SDK1: variants seen among roughly 807,000 people sequenced by gnomAD.
SDK1 encodes the protein protein sidekick-1.
A neutral mutation model predicts 245.5 loss-of-function variants in SDK1; 157 were observed. The observed-to-expected ratio is 0.64, with a 90% CI of 0.56 to 0.73. The LOEUF (loss-of-function observed/expected upper bound fraction) is 0.73. Ranked by LOEUF, SDK1 falls within the 30% of genes least tolerant of loss-of-function variation. The pLI is 0.00. For synonymous variants in SDK1, 1,647 were observed against 1,278.5 expected (o/e 1.29, Z -6.15); for missense variants, 3,583 against 3,002.3 (o/e 1.19, Z -4.52).
chr7:3,631,227 C>G (rs1782278889), intron 2 of SDK1, among the ~76,000 whole-genome samples: 1 of 152,204 alleles, frequency 6.6e-6, no homozygotes, highest in Non-Finnish European at 1.5e-5. Context: ...AGCCACCACA[C>G]TCAGCTTCTA....
At chr7:3,828,890 C>G (rs987303347) in intron 5 of SDK1, among the ~76,000 whole-genome samples, 1 of 151,918 alleles carries the variant, frequency 6.6e-6, no homozygotes, top group Non-Finnish European at 1.5e-5. Context: ...CTTCTGGCCT[C>G]AAATAATCCT....
chr7:4,012,434 C>G (rs1215313924), intron 16 of SDK1, among the ~76,000 whole-genome samples, 199 bp downstream of exon 16: 1 of 150,950 alleles, frequency 6.6e-6, no homozygotes, highest in African/African-American at 2.4e-5. Context: ...CAGAGACATT[C>G]TGTGCATATC....
chr7:3,554,570 G>GA (rs1410494258), intron 1 of SDK1, among the ~76,000 whole-genome samples: 2 of 152,114 alleles, frequency 1.3e-5, no homozygotes, highest in East Asian at 1.9e-4. Context: ...ATTACCCACA[G>GA]AAAAAATCAT....
chr7:3,511,875 C>T (rs1173489685), intron 1 of SDK1, among the ~76,000 whole-genome samples: 11 of 148,336 alleles, frequency 7.4e-5, no homozygotes, highest in African/African-American at 2.0e-4. Context: ...TCTCGTATGT[C>T]TCCTGCCCCT....
chr7:3,937,804 G>A (rs989723702), intron 5 of SDK1, among the ~76,000 whole-genome samples: 2 of 152,184 alleles, frequency 1.3e-5, no homozygotes, highest in Non-Finnish European at 2.9e-5. Context: ...CTCCACGCCC[G>A]GGCTTGCATG....
In SDK1 at chr7:4,042,296, T is replaced by A. The variant is rs1366559633; in HGVS notation, c.2603-7052T>A. On this transcript the variant is annotated intron_variant, in intron 17 of 44. Transcript: ENST00000404826. Reference sequence around the variant, plus strand: ...CTCTTCAGGTAGGAGAAACTGCTACTCTCTGATCCAGGTTTCACATATTTC... The same window carrying A: ...CTCTTCAGGTAGGAGAAACTGCTACACTCTGATCCAGGTTTCACATATTTC... Among the ~76,000 whole-genome samples, 2 of 136,148 alleles carry A rather than the reference T, an allele frequency of 1.5e-5. 1 individual carries two copies. The highest frequency in any genetic ancestry group is 6.8e-5 in the African/African-American group (2 of 29,580). 89.3% of individuals were successfully genotyped at this position (136,148 alleles called of 152,430 possible).
At chr7:3,382,106 T>A (rs1781503798) in intron 1 of SDK1, among the ~76,000 whole-genome samples, 1 of 152,096 alleles carries the variant, frequency 6.6e-6, no homozygotes, top group Admixed American at 6.5e-5. Context: ...GTCCTCATTT[T>A]ATTTTTATTT....
intron 1 of SDK1, among the ~76,000 whole-genome samples, chr7:3,392,967 TTTTTTTTTTTTTTC>T (rs1296438475): frequency 7.5e-6 from 1 of 133,672 alleles, no homozygotes; most frequent in African/African-American, 3.0e-5. Context: ...TTAAATTTTT[TTTTTTTTTTTTTTC>T]TTTTTTGAGA....
intron 13 of SDK1, among the ~76,000 whole-genome samples, chr7:3,986,205 T>C: frequency 6.6e-6 from 1 of 152,342 alleles, no homozygotes; most frequent in Non-Finnish European, 1.5e-5. Context: ...AAACTTTTTT[T>C]TTTTTTAACT....
intron 1 of SDK1, among the ~76,000 whole-genome samples, chr7:3,612,911 C>T (rs565811821): frequency 2.0e-5 from 3 of 152,108 alleles, no homozygotes; most frequent in African/African-American, 4.8e-5. Context: ...AGACTACCCC[C>T]CACCCCCCTT....
intron 43 of SDK1, among the ~76,000 whole-genome samples, chr7:4,245,261 C>G (rs1472055382): frequency 6.6e-6 from 1 of 152,186 alleles, no homozygotes; most frequent in Non-Finnish European, 1.5e-5. Context: ...ACAATTCCCA[C>G]TCCTTAGCAT....
At chr7:3,841,970 G>T (rs1198084463) in intron 5 of SDK1, among the ~76,000 whole-genome samples, 1 of 152,216 alleles carries the variant, frequency 6.6e-6, no homozygotes, top group African/African-American at 2.4e-5. Flanking sequence ...CTACTCTGAT[G>T]TCACCCACCT....
intron 5 of SDK1, among the ~76,000 whole-genome samples, chr7:3,899,269 A>G (rs956768956): frequency 5.3e-5 from 8 of 152,084 alleles, no homozygotes; most frequent in African/African-American, 1.7e-4. Flanking sequence ...GCGCTTTAAC[A>G]CTTCCACTTT....
intron 13 of SDK1, among the ~76,000 whole-genome samples, chr7:3,975,135 C>T (rs1056504656): frequency 6.6e-6 from 1 of 152,210 alleles, no homozygotes; most frequent in Non-Finnish European, 1.5e-5. Flanking sequence ...CCCGTCTCTG[C>T]TCTCTTTCTC....
intron 5 of SDK1, among the ~76,000 whole-genome samples, chr7:3,880,590 AAAAC>A (rs1417255473): frequency 1.3e-5 from 2 of 149,428 alleles, no homozygotes; most frequent in African/African-American, 4.9e-5. Flanking sequence ...AGACAGGTGA[AAAAC>A]AAAATCCTTT....
Position 4,135,437 on chromosome 7 carries a change from C to T in SDK1, c.4228+3014C>T, listed in dbSNP as rs146615378. Among the ~76,000 whole-genome samples the T allele has an allele frequency of 4.3e-3, 650 of 152,306 alleles. 5 individuals are homozygous for T. Among genetic ancestry groups the T allele is most frequent in the African/African-American group, 0.015 (623 of 41,568 alleles). On this transcript the variant is annotated intron_variant, in intron 28 of 44. Transcript: ENST00000404826. ...TCTTGCCTGTGTGCACAAGGAGAAA[C>T]GTACAAGGATGTTCATTACAGATTC...
rs538376716 is a variant in SDK1, at chr7:4,034,485, T to A, written c.2603-14863T>A. 5.3e-5 allele frequency among the ~76,000 whole-genome samples: 8 copies of A among 152,334 alleles called. No individual in the cohort carries two copies. The East Asian group carries it at 1.5e-3, about 29-fold the overall frequency. ...GCTCACTCTCAAACAGTTTTTAATG[T>A]CTTTATACAATTTGAAATTCTTTGT... On this transcript the variant is annotated intron_variant, in intron 17 of 44. Coordinates refer to ENST00000404826, the MANE Select transcript of SDK1 (RefSeq NM_152744.4).
chr7:3,566,369 C>T (rs1583173177), intron 1 of SDK1, among the ~76,000 whole-genome samples: 1 of 151,972 alleles, frequency 6.6e-6, no homozygotes, highest in East Asian at 1.9e-4. Context: ...GGACTACAGG[C>T]ACCCGCCATC....
chr7:4,073,454 T>A (rs373887463), intron 20 of SDK1, among the ~76,000 whole-genome samples: 20 of 152,242 alleles, frequency 1.3e-4, no homozygotes, highest in African/African-American at 4.3e-4. Flanking sequence ...TAATAAATTC[T>A]ATCAACACTG....
Sources: gnomAD v4.1 joint callset for allele counts (sites outside exome capture counted in the v4.1 genomes callset) on GRCh38, gnomAD v4.1.1 for gene constraint, MANE v1.5 for transcripts, NCBI Gene and HGNC (gene_info 2026-07-23, HGNC 2026-07-21) for gene names.